ARL17B: variants seen among roughly 807,000 people sequenced by gnomAD.
ARL17B encodes ADP-ribosylation factor-like protein 17.
At position 46,315,927 on chromosome 17, in the gene ARL17B, T is replaced by A. The variant is rs532797396; in HGVS notation, c.260-16262A>T. 4.2e-3 allele frequency among the ~76,000 whole-genome samples: 302 copies of A among 71,780 alleles called. 1 individual carries two copies. Among genetic ancestry groups the A allele is most frequent in the African/African-American group, 0.011 (287 of 26,878 alleles). The allele number at this position is 71,780 out of a possible 152,430, so 47.1% of individuals were successfully genotyped here. A position where few individuals can be genotyped will look rare whatever the true frequency, so the allele number is the denominator to read the frequency against. On this transcript the variant is annotated intron_variant, in intron 3 of 4. Coordinates refer to the ARL17B transcript ENST00000434041. The stretch of plus-strand genomic sequence containing the variant: ...TTATGTAAGTATCTTTTTCTTTTTT[T>A]TTTTTCTTTATTTTGGGACAGAGTC...
intron 3 of ARL17B, among the ~76,000 whole-genome samples, chr17:46,341,094 G>A (rs1436975817): frequency 9.9e-5 from 5 of 50,288 alleles, no homozygotes; most frequent in South Asian, 8.1e-4. Context: ...GAGAGGGCAG[G>A]GAGGAAGCAG....
intron 4 of ARL17B, among the ~76,000 whole-genome samples, chr17:46,291,924 G>A (rs1052724966): frequency 1.0e-4 from 15 of 144,746 alleles, no homozygotes; most frequent in African/African-American, 3.9e-4. Flanking sequence ...TTGCACCGCT[G>A]CACTCCAGCC....
At chr17:46,275,311 G>A in exon 5 of ARL17B, 1 of 752,814 alleles carries the variant, frequency 1.3e-6, no homozygotes, top group Middle Eastern at 4.5e-4. Context: ...AAAAGATCTG[G>A]CTCCTTAATT....
At chr17:46,281,499 A>AAC (rs2049761576) in intron 4 of ARL17B, among the ~76,000 whole-genome samples, 1 of 152,036 alleles carries the variant, frequency 6.6e-6, no homozygotes, top group Non-Finnish European at 1.5e-5. Flanking sequence ...AAGTGATCAC[A>AAC]GCTCACTGCA....
intron 4 of ARL17B, among the ~76,000 whole-genome samples, chr17:46,285,312 C>G (rs1260529783): frequency 6.6e-6 from 1 of 150,388 alleles, no homozygotes; most frequent in East Asian, 2.0e-4. Context: ...TCGATCTTGG[C>G]TCACTGCAAC....
Position 46,292,026 on chromosome 17 carries a change from A to C in ARL17B, c.*21+7500T>G, listed in dbSNP as rs1402668070. On this transcript the variant is annotated intron_variant, in intron 4 of 4. Coordinates refer to the ARL17B transcript ENST00000570618. Reference sequence around the variant, plus strand: ...ATGGTCTAATCTGAATTCACTCCAAATGAAATTATAGAGCAATTTGACAGG... The same window carrying C: ...ATGGTCTAATCTGAATTCACTCCAACTGAAATTATAGAGCAATTTGACAGG... Among the ~76,000 whole-genome samples the C allele has an allele frequency of 8.0e-5, 11 of 137,322 alleles. No homozygotes were observed. In the South Asian group the frequency reaches 2.5e-3, roughly 31 times the overall value. The allele number at this position is 137,322 out of a possible 152,430, so 90.1% of individuals were successfully genotyped here. A position where few individuals can be genotyped will look rare whatever the true frequency, so the allele number is the denominator to read the frequency against.
chr17:46,288,465 C>T (rs1160116461), intron 4 of ARL17B, among the ~76,000 whole-genome samples: 1 of 152,008 alleles, frequency 6.6e-6, no homozygotes, highest in South Asian at 2.1e-4. Flanking sequence ...TGTGCCACCA[C>T]ATCTGGCTAA....
chr17:46,351,871 CG>C (rs1379067412), intron 3 of ARL17B, among the ~76,000 whole-genome samples: 1 of 152,130 alleles, frequency 6.6e-6, no homozygotes, highest in Non-Finnish European at 1.5e-5. Flanking sequence ...ACATGAAAAT[CG>C]GGGTGTAAAA....
chr17:46,278,395 TA>T (rs2049653180), intron 4 of ARL17B, among the ~76,000 whole-genome samples: 1 of 143,230 alleles, frequency 7.0e-6, no homozygotes, highest in Admixed American at 6.9e-5. Context: ...TGTTTTGTTT[TA>T]TTTTGTTTTT....
chr17:46,291,731 C>T (rs1251285328), intron 4 of ARL17B, among the ~76,000 whole-genome samples: 1 of 151,714 alleles, frequency 6.6e-6, no homozygotes, highest in African/African-American at 2.4e-5. Context: ...TTGAGACCAG[C>T]CTGGGCAACA....
At chr17:46,289,047 A>C (rs2049997077) in intron 4 of ARL17B, among the ~76,000 whole-genome samples, 1 of 152,112 alleles carries the variant, frequency 6.6e-6, no homozygotes, top group Admixed American at 6.5e-5. Flanking sequence ...TTTTAAGTGC[A>C]TCTCTTCTGC....
intron 4 of ARL17B, among the ~76,000 whole-genome samples, chr17:46,286,810 G>A (rs1312176705): frequency 6.6e-6 from 1 of 152,238 alleles, no homozygotes; most frequent in Non-Finnish European, 1.5e-5. Flanking sequence ...GACTGCAGGT[G>A]TTCTGCAGAT....
In ARL17B at chr17:46,288,421, G is replaced by A. The variant is rs1294879819; in HGVS notation, c.*21+11105C>T. The stretch of plus-strand genomic sequence containing the variant: ...TCTCCTGGCTTCAAGCAATTCTCTT[G>A]CCTCAGCTTCCCAAGTAGCTGGGAT... On this transcript the variant is annotated intron_variant, in intron 4 of 4. Transcript: ENST00000570618. Among the ~76,000 whole-genome samples the A allele has an allele frequency of 2.0e-5, 3 of 146,880 alleles. No individual in the cohort carries two copies. The Admixed American group carries it at 2.1e-4, about 10-fold the overall frequency.
At chr17:46,332,766 A>G, downstream of ARL17B, 4 of 414,206 alleles carry the variant, frequency 9.7e-6, no homozygotes, top group Admixed American at 3.5e-5. Context: ...GCTACTTGAC[A>G]TACTTCTTCA....
Position 46,314,856 on chromosome 17 carries a change from T to C in ARL17B, c.260-15191A>G, listed in dbSNP as rs1394488973. ...CCAGGTTAATATCACCCTCATAGAATAAGTTAGGAAATGTTCTCTCCTCAT... is the reference window on the plus strand; with the variant it reads ...CCAGGTTAATATCACCCTCATAGAACAAGTTAGGAAATGTTCTCTCCTCAT... On this transcript the variant is annotated intron_variant, in intron 3 of 4. Transcript: ENST00000434041. 1.8e-4 allele frequency among the ~76,000 whole-genome samples: 15 copies of C among 81,786 alleles called. 5 individuals are homozygous for C. Among genetic ancestry groups the C allele is most frequent in the Admixed American group, 1.6e-3 (13 of 7,944 alleles). The allele number at this position is 81,786 out of a possible 152,430, so 53.7% of individuals were successfully genotyped here. A position where few individuals can be genotyped will look rare whatever the true frequency, so the allele number is the denominator to read the frequency against.
chr17:46,287,536 T>G (rs998293366), intron 4 of ARL17B, among the ~76,000 whole-genome samples: 6 of 152,240 alleles, frequency 3.9e-5, no homozygotes, highest in Admixed American at 3.3e-4. Context: ...CTAAGAAAGG[T>G]ACATAGAGCA....
intron 4 of ARL17B, among the ~76,000 whole-genome samples, chr17:46,292,331 C>T (rs1347356530): frequency 1.4e-5 from 1 of 69,268 alleles, no homozygotes; most frequent in African/African-American, 3.7e-5. Context: ...GACACTCTCT[C>T]GAGGAAAAAA....
At chr17:46,275,092 A>G in exon 5 of ARL17B, 1 of 201,956 alleles carries the variant, frequency 5.0e-6, no homozygotes, top group Non-Finnish European at 9.6e-6. Flanking sequence ...GGGTTTCTCC[A>G]TATTGGTCAG....
At chr17:46,351,697 G>A (rs1199742802) in intron 3 of ARL17B, among the ~76,000 whole-genome samples, 3 of 151,066 alleles carry the variant, frequency 2.0e-5, no homozygotes, top group Non-Finnish European at 4.4e-5. Context: ...CTAAAACAAT[G>A]ATATAAAATA....
Sources: allele counts gnomAD v4.1 joint callset (sites outside exome capture counted in the v4.1 genomes callset), GRCh38; gene constraint gnomAD v4.1.1; transcripts MANE v1.5; gene names NCBI Gene and HGNC (gene_info 2026-07-23, HGNC 2026-07-21).